HDC: variants seen among roughly 807,000 people sequenced by gnomAD.
The protein encoded by HDC is histidine decarboxylase.
HDC carries 27 observed loss-of-function variants against 64.4 expected under a neutral mutation model. That is an observed-to-expected ratio of 0.42 (90% CI 0.31 to 0.58). The LOEUF is 0.58. Ranked by LOEUF, HDC falls within the 20% of genes least tolerant of loss-of-function variation. The pLI is 0.16. For missense variants in HDC, 711 were observed against 833.9 expected, an observed-to-expected ratio of 0.85 and a Z score of 1.81; for synonymous variants, 305 against 314.2, an observed-to-expected ratio of 0.97 and a Z score of 0.31.
At chr15:50,263,468 C>T (rs1353109058) in intron 1 of HDC, 61 bp from the exon 2 acceptor site, 2 of 1,526,822 alleles carry the variant, frequency 1.3e-6, no homozygotes, top group South Asian at 2.3e-5. Flanking sequence ...CGATTTGTGC[C>T]CATCCCTCTC....
rs1489632105 is a variant in HDC at position 50,263,124 on chromosome 15, G to A, written c.204+111C>T. The A allele has an allele frequency of 5.5e-6, 6 of 1,098,218 alleles. No homozygotes were observed. The African/African-American group carries it at 7.7e-5, about 14-fold the overall frequency. 68.0% of individuals were successfully genotyped at this position (1,098,218 alleles called of 1,614,324 possible). ...CTGGGGTGTTGGTGGCCAAGTGGCTGAAGGATGCATTCTCATCCCAAGCTG... is the reference window on the plus strand; with the variant it reads ...CTGGGGTGTTGGTGGCCAAGTGGCTAAAGGATGCATTCTCATCCCAAGCTG... On this transcript the variant is annotated intron_variant, in intron 2 of 11. Transcript: ENST00000267845.
intron 2 of HDC, among the ~76,000 whole-genome samples, chr15:50,259,506 C>T (rs996090263): frequency 2.6e-5 from 4 of 152,266 alleles, no homozygotes; most frequent in Non-Finnish European, 5.9e-5. Flanking sequence ...GGTGGTTCAT[C>T]GGCCTCATGG....
intron 10 of HDC, among the ~76,000 whole-genome samples, chr15:50,245,634 C>A (rs779855014): frequency 7.2e-5 from 11 of 152,130 alleles, no homozygotes; most frequent in Non-Finnish European, 1.3e-4. Flanking sequence ...GTGGCTCATG[C>A]CTGTAATCCT....
Position 50,248,073 on chromosome 15 carries a change from G to A in HDC, c.1140+172C>T, listed in dbSNP as rs537029556. On this transcript the variant is annotated intron_variant, in intron 10 of 11. Coordinates refer to ENST00000267845, the MANE Select transcript of HDC (RefSeq NM_002112.4). This position sits in a 1 kb window ranked among gnomAD's most constrained non-coding sequence, Gnocchi z 4.3. ...GCCCTCAGGGCATGTTGTGCTCAGCGCTCCTCTGGTTAACAAAGAGAATCA... is the reference window on the plus strand; with the variant it reads ...GCCCTCAGGGCATGTTGTGCTCAGCACTCCTCTGGTTAACAAAGAGAATCA... Among the ~76,000 whole-genome samples, 26 of 152,322 alleles carry A rather than the reference G, an allele frequency of 1.7e-4. No individual in the cohort carries two copies. In the South Asian group the frequency reaches 2.1e-3, roughly 12 times the overall value.
intron 4 of HDC, among the ~76,000 whole-genome samples, chr15:50,256,328 G>T (rs999621796): frequency 6.6e-6 from 1 of 152,182 alleles, no homozygotes; most frequent in African/African-American, 2.4e-5. Flanking sequence ...GTGAGAGAGG[G>T]AGTCACTTAG....
intron 2 of HDC, among the ~76,000 whole-genome samples, chr15:50,261,252 T>A (rs1018604441): frequency 6.6e-6 from 1 of 152,162 alleles, no homozygotes; most frequent in Non-Finnish European, 1.5e-5. Flanking sequence ...CCACAGCAAC[T>A]GCTGGAATTC....
chr15:50,261,201 C>T (rs2045698495), intron 2 of HDC, among the ~76,000 whole-genome samples: 1 of 152,114 alleles, frequency 6.6e-6, no homozygotes, highest in Non-Finnish European at 1.5e-5. Context: ...TTATCAAAAA[C>T]AAACAGACCT....
intron 10 of HDC, among the ~76,000 whole-genome samples, chr15:50,245,472 AAGAAG>A (rs2045469494): frequency 6.6e-6 from 1 of 152,192 alleles, no homozygotes; most frequent in African/African-American, 2.4e-5. Context: ...GAAGAAGGGG[AAGAAG>A]AGAAGAGGAA....
intron 4 of HDC, among the ~76,000 whole-genome samples, chr15:50,255,508 CATA>C (rs369607903): frequency 2.7e-4 from 41 of 151,980 alleles, no homozygotes; most frequent in Admixed American, 1.1e-3. Context: ...AAGTATGTAG[CATA>C]ATAATAATAA....
intron 2 of HDC, among the ~76,000 whole-genome samples, chr15:50,260,173 C>T (rs917073630): frequency 6.6e-6 from 1 of 152,058 alleles, no homozygotes; most frequent in South Asian, 2.1e-4. Context: ...AGGTGCCCAC[C>T]ACCATGCCTG....
In HDC at chr15:50,248,128, C is replaced by T; in HGVS notation, c.1140+117G>A. 1.4e-6 allele frequency: 1 copy of T among 738,334 alleles called. No individual in the cohort carries two copies. The highest frequency in any genetic ancestry group is 2.4e-6 in the Non-Finnish European group (1 of 411,990). The allele number at this position is 738,334 out of a possible 1,614,324, so 45.7% of individuals were successfully genotyped here. A position where few individuals can be genotyped will look rare whatever the true frequency, so the allele number is the denominator to read the frequency against. ...CCAGGAGCTGAGGAACAGGCCCAGA[C>T]ACCTGAACCACACACCGCAAGTCTC... On this transcript the variant is annotated intron_variant, in intron 10 of 11. Coordinates refer to ENST00000267845, the MANE Select transcript of HDC (RefSeq NM_002112.4). This position sits in a 1 kb window ranked among gnomAD's most constrained non-coding sequence, Gnocchi z 4.3.
At chr15:50,262,001 G>A (rs984449367) in intron 2 of HDC, among the ~76,000 whole-genome samples, 2 of 152,076 alleles carry the variant, frequency 1.3e-5, no homozygotes, top group African/African-American at 4.8e-5. Flanking sequence ...GAGCCCCCGC[G>A]CCTGGCCTTT....
intron 9 of HDC, among the ~76,000 whole-genome samples, chr15:50,250,443 C>T (rs927913126): frequency 1.8e-4 from 27 of 152,068 alleles, no homozygotes; most frequent in Non-Finnish European, 4.4e-5. Flanking sequence ...AATAAGGTTC[C>T]CCAGAGCAGG....
At position 50,242,452 on chromosome 15, in the gene HDC, G is replaced by A. The variant is rs1292338993; in HGVS notation, c.1797C>T (p.Pro599=). Residue 599 remains proline (P), a synonymous_variant, in exon 12 of 12, where the codon CCC becomes CCT. Coordinates refer to ENST00000267845, the MANE Select transcript of HDC (RefSeq NM_002112.4). ...CCCCATTCTTCACAGAGGCCTCTGT[G>A]GGCAGTGGCTTCTGAGCACTCACTG... ...SVPVSAQKPL[P]TEASVKNGGS... 1 of 1,614,004 alleles carries A rather than the reference G, an allele frequency of 6.2e-7. No individual in the cohort carries two copies. Among genetic ancestry groups the A allele is most frequent in the Non-Finnish European group, 8.5e-7 (1 of 1,179,992 alleles).
chr15:50,258,886 T>C (rs854153), intron 2 of HDC, among the ~76,000 whole-genome samples: 95,506 of 151,746 alleles, frequency 0.63, 30,159 homozygotes, highest in Middle Eastern at 0.7. Flanking sequence ...GCAGGCCGGG[T>C]GCGGTGGCTC....
chr15:50,263,514 G>A (rs1236794451), intron 1 of HDC, 107 bp from the exon 2 acceptor site: 21 of 1,052,540 alleles, frequency 2.0e-5, no homozygotes, highest in Non-Finnish European at 2.7e-5. Context: ...AGAAGGAGAT[G>A]GATTTGGCCG....
In HDC at chr15:50,254,738, T is replaced by TC. The variant is rs1555503912; in HGVS notation, c.442-75_442-74insG. ...AAATTTCCCCAGGCTTTCTAGTTTT[T>TC]TCTCTCTCTCTCTCTCTCTCTCTCT... On this transcript the variant is annotated intron_variant, in intron 4 of 11. Transcript: ENST00000267845. The TC allele has an allele frequency of 2.5e-3, 2,203 of 864,614 alleles. 108 individuals carry two copies. Among genetic ancestry groups the TC allele is most frequent in the South Asian group, 5.0e-3 (310 of 61,992 alleles). The allele number at this position is 864,614 out of a possible 1,614,324, so 53.6% of individuals were successfully genotyped here.
In HDC at chr15:50,250,632, A is replaced by G. The variant is rs567185841; in HGVS notation, c.1041+1798T>C. Among the ~76,000 whole-genome samples, 29 of 152,316 alleles carry G rather than the reference A, an allele frequency of 1.9e-4. No homozygotes were observed. In the East Asian group the frequency reaches 5.4e-3, roughly 28 times the overall value. The stretch of plus-strand genomic sequence containing the variant: ...GTGAATATAATGCTCCTCAGTTATG[A>G]TGACCCAAATACACTCATAGGAGAA... On this transcript the variant is annotated intron_variant, in intron 9 of 11. Coordinates refer to ENST00000267845, the MANE Select transcript of HDC (RefSeq NM_002112.4).
At chr15:50,260,898 G>GTT (rs1567456095) in intron 2 of HDC, among the ~76,000 whole-genome samples, 1 of 152,142 alleles carries the variant, frequency 6.6e-6, no homozygotes, top group Non-Finnish European at 1.5e-5. Context: ...AATTAAAGGG[G>GTT]AAAGAGAGTT....
Sources: gnomAD v4.1 joint callset for allele counts (sites outside exome capture counted in the v4.1 genomes callset) on GRCh38, gnomAD v4.1.1 for gene constraint, Gnocchi (gnomAD v3.1) non-coding constraint, MANE v1.5 for transcripts, NCBI Gene and HGNC (gene_info 2026-07-23, HGNC 2026-07-21) for gene names.